SLC36A1: variants seen among roughly 807,000 people sequenced by gnomAD.
The protein encoded by SLC36A1 is solute carrier family 36 member 1.
In SLC36A1, 30 loss-of-function variants were observed where a neutral mutation model predicts 47.5. The ratio of observed to expected loss-of-function variants is 0.63; its 90% confidence interval spans 0.47 to 0.86. SLC36A1 has a LOEUF of 0.86. SLC36A1 is among the 40% of genes least tolerant of loss of function. The pLI is 0.00. For synonymous variants in SLC36A1, 255 were observed against 249.7 expected (o/e 1.02, Z -0.20); for missense variants, 517 against 606.0 (o/e 0.85, Z 1.54).
the SLC36A1 span, among the ~76,000 whole-genome samples, chr5:151,528,648 A>G: frequency 2.0e-5 from 3 of 152,138 alleles, no homozygotes; most frequent in African/African-American, 7.2e-5. Flanking sequence ...GTGTGGTTGG[A>G]GCATAGGGTG....
At chr5:151,356,347 A>AAAAAAAAAAAAAAAAAAC in the SLC36A1 span, among the ~76,000 whole-genome samples, 14 of 148,130 alleles carry the variant, frequency 9.5e-5, no homozygotes, top group Non-Finnish European at 1.6e-4. Flanking sequence ...CACAAAAAAA[A>AAAAAAAAAAAAAAAAAAC]AAAAAAAAAA....
chr5:151,458,314 A>G (rs1040357382), intron 1 of SLC36A1, among the ~76,000 whole-genome samples: 1,696 of 40,842 alleles, frequency 0.042, 41 homozygotes, highest in African/African-American at 0.16. Flanking sequence ...GTATATACGT[A>G]TATATATATA....
At chr5:151,527,160 A>G in the SLC36A1 span, 98,646 of 1,441,164 alleles carry the variant, frequency 0.068, 5,877 homozygotes, top group South Asian at 0.25. Context: ...GACTAATGCC[A>G]CTGAGGGGCA....
At chr5:151,522,036 G>C in the SLC36A1 span, 293,462 of 1,606,800 alleles carry the variant, frequency 0.18, 29,127 homozygotes, top group Non-Finnish European at 0.2. Flanking sequence ...CTGTGACATG[G>C]ACACGGACAG....
chr5:151,519,173 G>A, the SLC36A1 span, among the ~76,000 whole-genome samples: 3 of 152,092 alleles, frequency 2.0e-5, no homozygotes, highest in East Asian at 1.9e-4. Context: ...GTGAAACCCC[G>A]TCTCTACTAA....
At chr5:151,388,537 C>T in the SLC36A1 span, among the ~76,000 whole-genome samples, 7 of 146,936 alleles carry the variant, frequency 4.8e-5, no homozygotes, top group Admixed American at 1.3e-4. Context: ...ACTTTGGTCT[C>T]CACAGTCTTA....
intron 7 of SLC36A1, among the ~76,000 whole-genome samples, chr5:151,468,960 A>T (rs1581156441): frequency 1.3e-5 from 2 of 152,176 alleles, no homozygotes; most frequent in East Asian, 3.9e-4. Flanking sequence ...GAACATCTGT[A>T]TACAGATGGG....
the SLC36A1 span, among the ~76,000 whole-genome samples, chr5:151,367,901 C>T: frequency 6.6e-6 from 1 of 152,150 alleles, no homozygotes; most frequent in African/African-American, 2.4e-5. Context: ...TAATAACTCT[C>T]TATGGGGACA....
the SLC36A1 span, chr5:151,543,153 G>A: frequency 6.2e-7 from 1 of 1,614,174 alleles, no homozygotes; most frequent in Non-Finnish European, 8.5e-7. Context: ...TGATGAAGAA[G>A]TCAAGGGTCT....
the SLC36A1 span, chr5:151,511,832 A>C: frequency 3.8e-6 from 1 of 260,526 alleles, no homozygotes; most frequent in Non-Finnish European, 7.4e-6. Context: ...AGGGAGTGGA[A>C]TATAAGTTAA....
chr5:151,412,091 T>C, the SLC36A1 span, among the ~76,000 whole-genome samples: 1 of 144,996 alleles, frequency 6.9e-6, no homozygotes, highest in East Asian at 2.3e-4. Context: ...TCTGCAAACA[T>C]CCTCCACATC....
chr5:151,434,434 G>C (rs765875482), upstream of SLC36A1, among the ~76,000 whole-genome samples: 5 of 152,150 alleles, frequency 3.3e-5, no homozygotes, highest in Non-Finnish European at 5.9e-5. Flanking sequence ...GTTAATTTTA[G>C]TTGAAATGGA....
chr5:151,391,897 C>G, the SLC36A1 span, among the ~76,000 whole-genome samples: 2 of 152,152 alleles, frequency 1.3e-5, no homozygotes, highest in Non-Finnish European at 2.9e-5. Context: ...GCTTTGGTAT[C>G]AAGATGATGC....
the SLC36A1 span, among the ~76,000 whole-genome samples, chr5:151,536,402 C>T: frequency 6.6e-6 from 1 of 152,160 alleles, no homozygotes; most frequent in Non-Finnish European, 1.5e-5. Flanking sequence ...CCCTGCCACC[C>T]CCTGCTCAGG....
At chr5:151,482,142 A>T (rs1167929229) in intron 10 of SLC36A1, among the ~76,000 whole-genome samples, 1 of 152,230 alleles carries the variant, frequency 6.6e-6, no homozygotes, top group African/African-American at 2.4e-5. Flanking sequence ...AAGCAGTCGG[A>T]TTTTTAGAGG....
At chr5:151,348,248 T>C in the SLC36A1 span, among the ~76,000 whole-genome samples, 1 of 152,184 alleles carries the variant, frequency 6.6e-6, no homozygotes, top group South Asian at 2.1e-4. Context: ...GGCAAGATAC[T>C]GGCGCCAGGA....
chr5:151,373,659 G>C, the SLC36A1 span, among the ~76,000 whole-genome samples: 1 of 152,196 alleles, frequency 6.6e-6, no homozygotes, highest in South Asian at 2.1e-4. Flanking sequence ...ATTCCAGACA[G>C]AAACTTACAT....
At chr5:151,378,353 G>A in the SLC36A1 span, 1 of 188,070 alleles carries the variant, frequency 5.3e-6, no homozygotes, top group Admixed American at 5.5e-5. Context: ...TTAAATCCTG[G>A]TAAATAAGGT....
the SLC36A1 span, among the ~76,000 whole-genome samples, chr5:151,384,838 T>G: frequency 2.3e-4 from 35 of 152,256 alleles, no homozygotes; most frequent in African/African-American, 8.2e-4. Flanking sequence ...ACGCTCACCA[T>G]TTACAGACAT....
Sources: gnomAD v4.1 joint callset for allele counts (sites outside exome capture counted in the v4.1 genomes callset) on GRCh38, gnomAD v4.1.1 for gene constraint, MANE v1.5 for transcripts, NCBI Gene and HGNC (gene_info 2026-07-23, HGNC 2026-07-21) for gene names.